The following TMEM154 variants were observed in gnomAD, a reference collection of about 807,000 sequenced individuals.
TMEM154 encodes transmembrane protein 154.
TMEM154 carries 27 observed loss-of-function variants against 24.5 expected under a neutral mutation model. The observed-to-expected ratio is 1.10, with a 90% CI of 0.81 to 1.52. The LOEUF is 1.52. Among genes scored for constraint, TMEM154 ranks in the 40% most tolerant of loss-of-function variants. TMEM154 has a pLI of 0.00. For missense variants in TMEM154, 228 were observed against 213.4 expected (o/e 1.07, Z -0.43); for synonymous variants, 67 against 76.8 (o/e 0.87, Z 0.67).
chr4:152,645,979 A>ACACACG (rs1752364956), intron 3 of TMEM154, among the ~76,000 whole-genome samples: 1 of 141,398 alleles, frequency 7.1e-6, no homozygotes, highest in South Asian at 2.4e-4. Flanking sequence ...ACACACACAC[A>ACACACG]GACACCACAA....
At position 152,640,913 on chromosome 4, in the gene TMEM154, A is replaced by G. The variant is rs1752245729; in HGVS notation, c.536+15T>C. Reference sequence around the variant, plus strand: ...CCGCCATATACATGTAATCTGTGGTAGAAATGAGAAGTACCTTGGGTTGTG... The same window carrying G: ...CCGCCATATACATGTAATCTGTGGTGGAAATGAGAAGTACCTTGGGTTGTG... On this transcript the variant is annotated intron_variant, in intron 6 of 6. Coordinates refer to ENST00000304385, the MANE Select transcript of TMEM154 (RefSeq NM_152680.3). The G allele has an allele frequency of 1.0e-6, 1 of 958,806 alleles. No individual in the cohort carries two copies. The highest frequency in any genetic ancestry group is 1.3e-5 in the South Asian group (1 of 78,166). 59.4% of individuals were successfully genotyped at this position (958,806 alleles called of 1,614,324 possible).
chr4:152,675,205 G>A (rs186278241), intron 1 of TMEM154, among the ~76,000 whole-genome samples: 57 of 149,508 alleles, frequency 3.8e-4, no homozygotes, highest in African/African-American at 6.9e-4. Context: ...TATGACAAGC[G>A]GCAAGATTAT....
chr4:152,648,715 CT>C (rs1321273357), intron 3 of TMEM154, among the ~76,000 whole-genome samples: 5 of 152,266 alleles, frequency 3.3e-5, no homozygotes, highest in African/African-American at 1.2e-4. Context: ...TTGTAAATGG[CT>C]TTTGAACCTT....
At chr4:152,641,233 G>C in intron 5 of TMEM154, 1 of 450,974 alleles carries the variant, frequency 2.2e-6, no homozygotes. Context: ...ATTCATCACT[G>C]CTTGGTTATT....
At position 152,652,768 on chromosome 4, in the gene TMEM154, T is replaced by C; in HGVS notation, c.224A>G (p.Glu75Gly). ...TNFAPDENQLEFILMVLIPLI... is the reference protein window; with the variant it reads ...TNFAPDENQLGFILMVLIPLI... Reference sequence around the variant, plus strand: ...TGGGATTAACACCATCAGTATAAACTCTAACTGATTTTCATCCGGAGCAAA... The same window carrying C: ...TGGGATTAACACCATCAGTATAAACCCTAACTGATTTTCATCCGGAGCAAA... Residue 75 changes from glutamate to glycine, a missense_variant, in exon 2 of 7, where the codon GAG becomes GGG. By Grantham distance (98) the Glu-to-Gly change is moderately conservative. Coordinates refer to ENST00000304385, the MANE Select transcript of TMEM154 (RefSeq NM_152680.3). 6.2e-7 allele frequency: 1 copy of C among 1,614,064 alleles called. No individual in the cohort carries two copies. Among genetic ancestry groups the C allele is most frequent in the South Asian group, 1.1e-5 (1 of 91,072 alleles).
At chr4:152,667,339 A>G (rs1453777990) in intron 1 of TMEM154, among the ~76,000 whole-genome samples, 3 of 152,250 alleles carry the variant, frequency 2.0e-5, no homozygotes, top group African/African-American at 7.2e-5. Flanking sequence ...AAAGCTATCT[A>G]AATTTTTCGA....
intron 1 of TMEM154, among the ~76,000 whole-genome samples, chr4:152,662,155 G>A (rs749862611): frequency 2.0e-5 from 3 of 151,960 alleles, no homozygotes; most frequent in Non-Finnish European, 4.4e-5. Flanking sequence ...TTTGCACACA[G>A]GCAAGCAAGT....
At chr4:152,643,930 C>T (rs575910366) in intron 4 of TMEM154, among the ~76,000 whole-genome samples, 1 of 151,682 alleles carries the variant, frequency 6.6e-6, no homozygotes, top group African/African-American at 2.4e-5. Flanking sequence ...CCTCCCTCCT[C>T]TCCCTTCCTC....
At chr4:152,648,672 TG>T (rs1728313601) in intron 3 of TMEM154, among the ~76,000 whole-genome samples, 1 of 152,204 alleles carries the variant, frequency 6.6e-6, no homozygotes, top group African/African-American at 2.4e-5. Flanking sequence ...GGAGGATGCA[TG>T]GACCATGTCT....
At chr4:152,666,288 G>C (rs967633633) in intron 1 of TMEM154, 3 of 152,210 alleles carry the variant, frequency 2.0e-5, no homozygotes, top group African/African-American at 7.2e-5. Context: ...GAGACTATCT[G>C]GGGGCGTGGC....
chr4:152,677,625 G>A (rs950636446), intron 1 of TMEM154, among the ~76,000 whole-genome samples: 1 of 152,084 alleles, frequency 6.6e-6, no homozygotes, highest in African/African-American at 2.4e-5. Context: ...TTGCAAGTGG[G>A]CATTTTTCAG....
chr4:152,647,261 A>C (rs1419404775), intron 3 of TMEM154: 1 of 985,130 alleles, frequency 1.0e-6, no homozygotes, highest in African/African-American at 1.7e-5. Flanking sequence ...GCTCTCCTAT[A>C]AAGCATTTCT....
At chr4:152,633,965 G>A (rs980521330) in intron 6 of TMEM154, among the ~76,000 whole-genome samples, 1 of 146,890 alleles carries the variant, frequency 6.8e-6, no homozygotes, top group Non-Finnish European at 1.5e-5. Flanking sequence ...GAAGGTTGAG[G>A]CTGTAGTGAG....
At chr4:152,648,772 G>A (rs1358067466) in intron 3 of TMEM154, among the ~76,000 whole-genome samples, 1 of 152,170 alleles carries the variant, frequency 6.6e-6, no homozygotes, top group East Asian at 1.9e-4. Context: ...TTCTGGATTT[G>A]GAGCCTAAGA....
intron 1 of TMEM154, among the ~76,000 whole-genome samples, chr4:152,660,827 G>A (rs1344329854): frequency 6.6e-6 from 1 of 152,184 alleles, no homozygotes; most frequent in Non-Finnish European, 1.5e-5. Flanking sequence ...GCTTTACTGG[G>A]GCTCTTGCTA....
rs762085937 is a variant in TMEM154 at position 152,652,694 on chromosome 4, A to G, written c.298T>C (p.Tyr100His). 7 of 1,613,694 alleles carry G rather than the reference A, an allele frequency of 4.3e-6. No homozygotes were observed. The highest frequency in any genetic ancestry group is 5.9e-6 in the Non-Finnish European group (7 of 1,179,910). ...TGTTTAGTTCTTTTTCTTTTATAGT[A>G]TGTTGCAAGGAATACCACGGATAAA... The part of the protein sequence containing the change: ...LLLSVVFLAT[Y>H]YKRKRTKQEP... The change falls in exon 2 of 7, where the codon TAC becomes CAC. Residue 100 changes from tyrosine to histidine, a missense_variant. Tyr to His is a moderately conservative substitution (Grantham distance 83, BLOSUM62 2). Transcript: ENST00000304385.
rs1751885073 is a variant in TMEM154, at chr4:152,624,437, A to C, written c.*4109T>G. 6.6e-6 allele frequency: 1 copy of C among 151,998 alleles called. No individual in the cohort carries two copies. The highest frequency in any genetic ancestry group is 1.5e-5 in the Non-Finnish European group (1 of 68,006). The allele number at this position is 151,998 out of a possible 1,614,324, so 9.4% of individuals were successfully genotyped here. A position where few individuals can be genotyped will look rare whatever the true frequency, so the allele number is the denominator to read the frequency against. ...CAACACGGTGAAACCCTATCTGTAC[A>C]AAAGATACAAAAAATTAGCCAGTCC... On this transcript the variant is annotated 3_prime_UTR_variant, in exon 7 of 7. Transcript: ENST00000304385.
chr4:152,670,519 C>T (rs1728815997), intron 1 of TMEM154, among the ~76,000 whole-genome samples: 1 of 152,102 alleles, frequency 6.6e-6, no homozygotes, highest in South Asian at 2.1e-4. Context: ...TCGCTTGAAC[C>T]CGGGAGCCGG....
intron 1 of TMEM154, among the ~76,000 whole-genome samples, chr4:152,660,719 G>A (rs559036814): frequency 2.8e-4 from 43 of 152,322 alleles, no homozygotes; most frequent in African/African-American, 9.6e-4. Flanking sequence ...ATAAAGTGGT[G>A]AATGAGAGGG....
Sources: allele counts gnomAD v4.1 joint callset (sites outside exome capture counted in the v4.1 genomes callset), GRCh38; gene constraint gnomAD v4.1.1; transcripts MANE v1.5; gene names NCBI Gene and HGNC (gene_info 2026-07-23, HGNC 2026-07-21).